G3BP1: variants seen among roughly 807,000 people sequenced by gnomAD.
G3BP1 encodes the protein G3BP stress granule assembly factor 1, also known as ras GTPase-activating protein-binding protein 1.
Under a neutral mutation model 58.6 loss-of-function variants are expected in G3BP1, and 35 were observed. That is an observed-to-expected ratio of 0.60 (90% confidence interval 0.46 to 0.79). G3BP1 has a LOEUF of 0.79. G3BP1 is among the 30% of genes least tolerant of loss of function. G3BP1 has a pLI of 0.00. For synonymous variants in G3BP1, 191 were observed against 195.4 expected (o/e 0.98, Z 0.19); for missense variants, 523 against 580.8 (o/e 0.90, Z 1.02).
At chr5:151,800,388 C>G in intron 10 of G3BP1, 42 bp downstream of exon 10, 1 of 1,485,850 alleles carries the variant, frequency 6.7e-7, no homozygotes. Flanking sequence ...TCTAGTGTCT[C>G]TCTAGCACTG....
intron 1 of G3BP1, among the ~76,000 whole-genome samples, chr5:151,774,362 G>A (rs1046317480): frequency 1.3e-5 from 2 of 150,858 alleles, no homozygotes; most frequent in East Asian, 1.9e-4. Context: ...TTTCCCACTC[G>A]TTCTAGTATT....
intron 2 of G3BP1, among the ~76,000 whole-genome samples, chr5:151,788,570 A>ATGTGTGTGTGTGTGTGTGTG (rs201430384): frequency 4.3e-5 from 4 of 93,126 alleles, no homozygotes; most frequent in African/African-American, 1.7e-4. Context: ...AGCTAAGTTT[A>ATGTGTGTGTGTGTGTGTGTG]TATGTGTGTG....
intron 4 of G3BP1, among the ~76,000 whole-genome samples, chr5:151,793,312 T>C (rs982839601): frequency 6.6e-6 from 1 of 152,162 alleles, no homozygotes; most frequent in Non-Finnish European, 1.5e-5. Flanking sequence ...TTTCACCATA[T>C]TGGCCAGGCT....
Position 151,812,640 on chromosome 5 carries a change from GC to G in G3BP1, c.*8552del, listed in dbSNP as rs1346477318. The G allele has an allele frequency of 2.0e-5, 3 of 152,218 alleles. No individual in the cohort carries two copies. The highest frequency in any genetic ancestry group is 7.2e-5 in the African/African-American group (3 of 41,442). 9.4% of individuals were successfully genotyped at this position (152,218 alleles called of 1,614,324 possible). On this transcript the variant is annotated 3_prime_UTR_variant, in exon 12 of 12. Coordinates refer to ENST00000356245, the MANE Select transcript of G3BP1 (RefSeq NM_005754.3). The stretch of plus-strand genomic sequence containing the variant: ...ACTCTTGCCCTGTTGGCAGAAACTA[GC>G]CCATCTTAAGTTAGTCAATGAATCC...
rs548320196 is a variant in G3BP1, at chr5:151,797,403, C to G, written c.716C>G (p.Ala239Gly). The G allele has an allele frequency of 8.1e-6, 13 of 1,611,676 alleles. No homozygotes were observed. The African/African-American group carries it at 1.1e-4, about 13-fold the overall frequency. ...KSSSPAPADI[A>G]QTVQEDLRTF... Reference sequence around the variant, plus strand: ...TCTTCTCCAGCACCTGCAGACATAGCTCAGACAGTACAGGAAGACTTGAGG... The same window carrying G: ...TCTTCTCCAGCACCTGCAGACATAGGTCAGACAGTACAGGAAGACTTGAGG... Residue 239 changes from alanine to glycine, a missense_variant, in exon 7 of 12, where the codon GCT becomes GGT. By Grantham distance (60) the Ala-to-Gly change is moderately conservative. This residue lies in a region of G3BP1 where 398 missense variants were observed against 399.1 expected (regional missense o/e 1.00). Coordinates refer to ENST00000356245, the MANE Select transcript of G3BP1 (RefSeq NM_005754.3).
chr5:151,791,021 G>C lies in G3BP1; in HGVS notation c.310G>C (p.Ala104Pro). Residue 104 changes from alanine (A) to proline (P), a missense_variant, in exon 4 of 12, where the codon GCT (alanine) becomes CCT (proline). By Grantham distance (27) the Ala-to-Pro change is conservative. Coordinates refer to ENST00000356245, the MANE Select transcript of G3BP1 (RefSeq NM_005754.3). ...VMGLLSNNNQ[A>P]LRRFMQTFVL... Reference sequence around the variant, plus strand: ...GGGGCTTCTCTCTAACAACAACCAGGCTTTGAGGAGATTCATGCAAACGTT... The same window carrying C: ...GGGGCTTCTCTCTAACAACAACCAGCCTTTGAGGAGATTCATGCAAACGTT... 1 of 1,613,888 alleles carries C rather than the reference G, an allele frequency of 6.2e-7. No individual in the cohort carries two copies. The highest frequency in any genetic ancestry group is 8.5e-7 in the Non-Finnish European group (1 of 1,179,870).
Position 151,804,157 on chromosome 5 carries a change from C to G in G3BP1, c.*66C>G, listed in dbSNP as rs1485064271. The G allele has an allele frequency of 6.7e-5, 79 of 1,182,582 alleles. No individual in the cohort carries two copies. Among genetic ancestry groups the G allele is most frequent in the Middle Eastern group, 2.0e-4 (1 of 4,980 alleles). The allele number at this position is 1,182,582 out of a possible 1,614,324, so 73.3% of individuals were successfully genotyped here. ...CAACAGAATGGTGAATTTTCGACAG[C>G]CTTTGGTATCTTGGAGTATGACCCC... On this transcript the variant is annotated 3_prime_UTR_variant, in exon 12 of 12. Transcript: ENST00000356245.
At position 151,811,557 on chromosome 5, in the gene G3BP1, T is replaced by G. The variant is rs1763018799; in HGVS notation, c.*7466T>G. The G allele has an allele frequency of 6.6e-6, 1 of 152,182 alleles. No homozygotes were observed. The highest frequency in any genetic ancestry group is 1.5e-5 in the Non-Finnish European group (1 of 68,030). The allele number at this position is 152,182 out of a possible 1,614,324, so 9.4% of individuals were successfully genotyped here. A position where few individuals can be genotyped will look rare whatever the true frequency, so the allele number is the denominator to read the frequency against. On this transcript the variant is annotated 3_prime_UTR_variant, in exon 12 of 12. Coordinates refer to ENST00000356245, the MANE Select transcript of G3BP1 (RefSeq NM_005754.3). Reference sequence around the variant, plus strand: ...AGCATGGATATGTGTATATGGATGGTTCAATAAATATACTTTTATATACAT... The same window carrying G: ...AGCATGGATATGTGTATATGGATGGGTCAATAAATATACTTTTATATACAT...
intron 4 of G3BP1, among the ~76,000 whole-genome samples, chr5:151,793,831 C>CAAAAAAA (rs751382380): frequency 1.8e-4 from 18 of 97,768 alleles, no homozygotes; most frequent in Middle Eastern, 0.011. Flanking sequence ...CGTCTCTACT[C>CAAAAAAA]AAAAAAAAAA....
At position 151,797,246 on chromosome 5, in the gene G3BP1, T is replaced by A. The variant is rs1220120123; in HGVS notation, c.559T>A (p.Leu187Ile). The A allele has an allele frequency of 6.2e-6, 10 of 1,613,330 alleles. No individual in the cohort carries two copies. The highest frequency in any genetic ancestry group is 8.5e-6 in the Non-Finnish European group (10 of 1,179,424). ...TCAAAGTAATGACATGGAAGAACATTTAGAGGAGCCTGTTGCTGAACCAGA... is the reference window on the plus strand; with the variant it reads ...TCAAAGTAATGACATGGAAGAACATATAGAGGAGCCTGTTGCTGAACCAGA... ...AVVSNDMEEH[L>I]EEPVAEPEPD... Residue 187 changes from leucine to isoleucine, a missense_variant, in exon 7 of 12, where the codon TTA (leucine) becomes ATA (isoleucine). Leu to Ile is a conservative substitution (Grantham distance 5). Coordinates refer to ENST00000356245, the MANE Select transcript of G3BP1 (RefSeq NM_005754.3).
rs1407688776 is a variant in G3BP1 at position 151,806,173 on chromosome 5, G to A, written c.*2082G>A. On this transcript the variant is annotated 3_prime_UTR_variant, in exon 12 of 12. Transcript: ENST00000356245. ...GAACACTGATAGTCCCTATTCCTGT[G>A]GGTGGGTGGAGCTGTGGGATTAGGA... is the stretch of plus-strand genomic sequence containing the variant. The A allele has an allele frequency of 6.6e-6, 1 of 152,142 alleles. No individual in the cohort carries two copies. Among genetic ancestry groups the A allele is most frequent in the Non-Finnish European group, 1.5e-5 (1 of 68,022 alleles). The allele number at this position is 152,142 out of a possible 1,614,324, so 9.4% of individuals were successfully genotyped here.
chr5:151,809,097 G>GC lies in G3BP1; in HGVS notation c.*5009dup, dbSNP rs1762977521. 6.6e-6 allele frequency: 1 copy of GC among 152,208 alleles called. No individual in the cohort carries two copies. Among genetic ancestry groups the GC allele is most frequent in the Non-Finnish European group, 1.5e-5 (1 of 68,092 alleles). 9.4% of individuals were successfully genotyped at this position (152,208 alleles called of 1,614,324 possible). On this transcript the variant is annotated 3_prime_UTR_variant, in exon 12 of 12. Coordinates refer to ENST00000356245, the MANE Select transcript of G3BP1 (RefSeq NM_005754.3). ...GAGGCTGAGGCAGGAGATTGCTTGA[G>GC]CCCAGGAGTTGGAGGCTGCAGTGAG...
intron 1 of G3BP1, among the ~76,000 whole-genome samples, chr5:151,775,826 T>A (rs1181173109): frequency 3.9e-5 from 6 of 152,248 alleles, no homozygotes; most frequent in African/African-American, 1.4e-4. Context: ...AAAAGATAGT[T>A]GTTAAGTATT....
At chr5:151,776,673 A>T (rs914552271) in intron 1 of G3BP1, among the ~76,000 whole-genome samples, 1 of 151,998 alleles carries the variant, frequency 6.6e-6, no homozygotes, top group Non-Finnish European at 1.5e-5. Flanking sequence ...ACTATAGACC[A>T]CGGATATTAA....
At chr5:151,790,698 T>TA in intron 3 of G3BP1, among the ~76,000 whole-genome samples, 191 bp from the exon 4 acceptor site, 1 of 152,302 alleles carries the variant, frequency 6.6e-6, no homozygotes, top group African/African-American at 2.4e-5. Flanking sequence ...TCAGGACAGT[T>TA]ATTTAAAAAA....
At chr5:151,794,680 T>G (rs550367280) in intron 5 of G3BP1, among the ~76,000 whole-genome samples, 27 of 152,224 alleles carry the variant, frequency 1.8e-4, no homozygotes, top group Non-Finnish European at 3.2e-4. Flanking sequence ...CAAAGCTGTT[T>G]GCTATATAAA....
At chr5:151,785,119 C>T (rs1382916849) in intron 1 of G3BP1, among the ~76,000 whole-genome samples, 1 of 152,206 alleles carries the variant, frequency 6.6e-6, no homozygotes, top group African/African-American at 2.4e-5. Flanking sequence ...TCCCAAGGTG[C>T]TGGGATTACA....
At chr5:151,773,081 A>T (rs1762302052) in intron 1 of G3BP1, among the ~76,000 whole-genome samples, 1 of 152,244 alleles carries the variant, frequency 6.6e-6, no homozygotes, top group Non-Finnish European at 1.5e-5. Flanking sequence ...TGTGTTCCTC[A>T]TCGGGTTTGA....
chr5:151,786,983 C>T (rs1762563739), intron 2 of G3BP1: 1 of 232,812 alleles, frequency 4.3e-6, no homozygotes, highest in Admixed American at 5.6e-5. Context: ...GCTGGGACCA[C>T]AGGTGCCCAC....
Sources: allele counts gnomAD v4.1 joint callset (sites outside exome capture counted in the v4.1 genomes callset), GRCh38; gene constraint gnomAD v4.1.1; regional missense constraint gnomAD v4.1.1; transcripts MANE v1.5; gene names NCBI Gene and HGNC (gene_info 2026-07-23, HGNC 2026-07-21).